The following TRNAU1AP variants were observed in gnomAD, a reference collection of about 807,000 sequenced individuals.
TRNAU1AP encodes tRNA selenocysteine 1 associated protein 1, also known as tRNA selenocysteine 1-associated protein 1.
In TRNAU1AP, 33 loss-of-function variants were observed where a neutral mutation model predicts 43.3. The ratio of observed to expected loss-of-function variants is 0.76; its 90% CI spans 0.58 to 1.02. The LOEUF is 1.02. Among genes scored for constraint, TRNAU1AP ranks in the 50% least tolerant of loss-of-function variants. TRNAU1AP has a pLI of 0.00. For synonymous variants in TRNAU1AP, 143 were observed against 129.1 expected (o/e 1.11, Z -0.73); for missense variants, 290 against 362.7 (o/e 0.80, Z 1.63).
intron 8 of TRNAU1AP, among the ~76,000 whole-genome samples, chr1:28,572,867 A>G (rs925896352): frequency 1.8e-4 from 27 of 151,638 alleles, no homozygotes; most frequent in South Asian, 2.1e-4. Context: ...CCCGGGAGGC[A>G]GAGCTTGCAG....
chr1:28,562,897 C>CTTT (rs780392283), intron 4 of TRNAU1AP, among the ~76,000 whole-genome samples: 9 of 118,598 alleles, frequency 7.6e-5, no homozygotes, highest in South Asian at 5.7e-4. Flanking sequence ...TTTGTGTATT[C>CTTT]TTTTTTTTTT....
At chr1:28,563,535 T>A (rs934962177) in intron 4 of TRNAU1AP, among the ~76,000 whole-genome samples, 1 of 151,960 alleles carries the variant, frequency 6.6e-6, no homozygotes, top group African/African-American at 2.4e-5. Context: ...ATACAAAAAA[T>A]TAGTTGGGCG....
chr1:28,576,603 C>T (rs955542803), intron 8 of TRNAU1AP, among the ~76,000 whole-genome samples: 9 of 150,946 alleles, frequency 6.0e-5, no homozygotes, highest in African/African-American at 2.2e-4. Context: ...AGGCGTGAGC[C>T]ACCGCGCCCG....
intron 2 of TRNAU1AP, among the ~76,000 whole-genome samples, chr1:28,558,219 T>TG (rs1459460312): frequency 6.8e-6 from 1 of 146,504 alleles, no homozygotes; most frequent in East Asian, 2.0e-4. Context: ...TTTTGTATTT[T>TG]TTTTTTTTTT....
chr1:28,559,482 G>C (rs1272020388), intron 2 of TRNAU1AP, among the ~76,000 whole-genome samples: 1 of 152,008 alleles, frequency 6.6e-6, no homozygotes, highest in African/African-American at 2.4e-5. Flanking sequence ...TACAAAATTA[G>C]CTGGGCATGG....
chr1:28,575,302 G>A (rs1387853494), intron 8 of TRNAU1AP, among the ~76,000 whole-genome samples: 1 of 151,768 alleles, frequency 6.6e-6, no homozygotes, highest in Non-Finnish European at 1.5e-5. Flanking sequence ...CTACAGATGC[G>A]CGCCACCACG....
Position 28,577,549 on chromosome 1 carries a change from A to C in TRNAU1AP, c.777A>C (p.Glu259Asp). ...DVTEANKEFM[E>D]QSEELYDALM... Reference sequence around the variant, plus strand: ...CTGAGGCCAACAAGGAGTTCATGGAACAGAGTGAGGAGCTGTATGACGCTC... The same window carrying C: ...CTGAGGCCAACAAGGAGTTCATGGACCAGAGTGAGGAGCTGTATGACGCTC... The change falls in exon 9 of 9, where the codon GAA becomes GAC. Residue 259 changes from glutamate to aspartate, a missense_variant. Coordinates refer to ENST00000373830, the MANE Select transcript of TRNAU1AP (RefSeq NM_017846.5). 6.2e-7 allele frequency: 1 copy of C among 1,614,134 alleles called. No homozygotes were observed. Among genetic ancestry groups the C allele is most frequent in the Admixed American group, 1.7e-5 (1 of 60,004 alleles).
chr1:28,567,375 G>T lies in TRNAU1AP; in HGVS notation c.492G>T (p.Gly164=), dbSNP rs779891075. The T allele has an allele frequency of 1.2e-5, 19 of 1,613,018 alleles. No individual in the cohort carries two copies. Among genetic ancestry groups the T allele is most frequent in the Non-Finnish European group, 1.6e-5 (19 of 1,179,804 alleles). The change falls in exon 6 of 9, where the codon GGG becomes GGT. Residue 164 remains glycine, a synonymous_variant. Transcript: ENST00000373830. The part of the protein sequence containing the change: ...LTECQGAVGL[G]SKPVRLSVAI... The stretch of plus-strand genomic sequence containing the variant: ...AGTGCCAGGGAGCAGTGGGACTGGG[G>T]TCTAAGCCTGTGCGGCTGAGCGTGG...
intron 4 of TRNAU1AP, among the ~76,000 whole-genome samples, chr1:28,561,650 C>T (rs1025171644): frequency 6.6e-6 from 1 of 152,178 alleles, no homozygotes; most frequent in African/African-American, 2.4e-5. Flanking sequence ...TAAGAATTGC[C>T]TTGTTAGCCA....
At chr1:28,555,857 C>CTTT (rs374688110) in intron 2 of TRNAU1AP, among the ~76,000 whole-genome samples, 1 of 126,614 alleles carries the variant, frequency 7.9e-6, no homozygotes, top group African/African-American at 2.9e-5. Flanking sequence ...ATTTTTTTTT[C>CTTT]TTTTTTTTTT....
intron 2 of TRNAU1AP, among the ~76,000 whole-genome samples, chr1:28,557,363 C>G (rs543204146): frequency 1.3e-5 from 2 of 150,554 alleles, no homozygotes; most frequent in Admixed American, 6.6e-5. Flanking sequence ...GAGCTTGCAG[C>G]GAGCGGAGAT....
intron 2 of TRNAU1AP, 35 bp downstream of exon 2, chr1:28,553,772 C>T: frequency 6.4e-7 from 1 of 1,556,900 alleles, no homozygotes. Context: ...TAATACATCT[C>T]GTTGCAGCTG....
chr1:28,577,451 T>A (rs965672351), intron 8 of TRNAU1AP, 49 bp from the exon 9 acceptor site: 1 of 1,599,544 alleles, frequency 6.3e-7, no homozygotes, highest in Non-Finnish European at 8.5e-7. Flanking sequence ...ACCAGGTCCC[T>A]TGCAGCTGTC....
intron 2 of TRNAU1AP, chr1:28,553,948 AG>A (rs767336939): frequency 2.1e-4 from 102 of 477,340 alleles, no homozygotes; most frequent in Non-Finnish European, 2.8e-4. Context: ...CTGTAATCCC[AG>A]CACTTTGGGA....
intron 3 of TRNAU1AP, 30 bp from the exon 4 acceptor site, chr1:28,561,316 G>GT: frequency 6.2e-7 from 1 of 1,613,744 alleles, no homozygotes. Flanking sequence ...ACCTTTCTCT[G>GT]TTTTAGTTTG....
At chr1:28,571,951 G>A in intron 8 of TRNAU1AP, 51 bp downstream of exon 8, 1 of 1,500,944 alleles carries the variant, frequency 6.7e-7, no homozygotes, top group Non-Finnish European at 9.3e-7. Flanking sequence ...GGTGACTGCT[G>A]TGGCTGGCAC....
In TRNAU1AP at chr1:28,577,806, T is replaced by C. The variant is rs760408427; in HGVS notation, c.*170T>C. 1 of 746,698 alleles carries C rather than the reference T, an allele frequency of 1.3e-6. No individual in the cohort carries two copies. The highest frequency in any genetic ancestry group is 3.2e-5 in the Admixed American group (1 of 31,630). 46.3% of individuals were successfully genotyped at this position (746,698 alleles called of 1,614,324 possible). ...CTGCATTCATTTGACCATTTGAGTTTGAAGACCAAGGGAACAACTTTTAAA... is the reference window on the plus strand; with the variant it reads ...CTGCATTCATTTGACCATTTGAGTTCGAAGACCAAGGGAACAACTTTTAAA... On this transcript the variant is annotated 3_prime_UTR_variant, in exon 9 of 9. Transcript: ENST00000373830.
intron 8 of TRNAU1AP, among the ~76,000 whole-genome samples, chr1:28,576,127 G>A (rs562770844): frequency 6.6e-6 from 1 of 151,344 alleles, no homozygotes; most frequent in Non-Finnish European, 1.5e-5. Flanking sequence ...CCAAAGTGCT[G>A]GGTTTACAGG....
At chr1:28,559,338 A>C (rs952262544) in intron 2 of TRNAU1AP, among the ~76,000 whole-genome samples, 1 of 152,102 alleles carries the variant, frequency 6.6e-6, no homozygotes, top group East Asian at 1.9e-4. Context: ...ATAAGAGCCT[A>C]TATTCTGAGG....
Sources: gnomAD v4.1 joint callset for allele counts (sites outside exome capture counted in the v4.1 genomes callset) on GRCh38, gnomAD v4.1.1 for gene constraint, MANE v1.5 for transcripts, NCBI Gene and HGNC (gene_info 2026-07-23, HGNC 2026-07-21) for gene names.